ALOX5: variants seen among roughly 807,000 people sequenced by gnomAD.
The protein encoded by ALOX5 is polyunsaturated fatty acid 5-lipoxygenase.
A neutral mutation model predicts 87.9 loss-of-function variants in ALOX5; 64 were observed. The observed-to-expected ratio is 0.73, with a 90% confidence interval of 0.60 to 0.90. ALOX5 has a LOEUF of 0.90. ALOX5 is among the 40% of genes least tolerant of loss of function. ALOX5 has a pLI of 0.00. For synonymous variants in ALOX5, 388 were observed against 355.1 expected (o/e 1.09, Z -1.04); for missense variants, 822 against 907.5 (o/e 0.91, Z 1.21).
chr10:45,418,881 GAGAA>G (rs1454184790), intron 4 of ALOX5, among the ~76,000 whole-genome samples: 1 of 152,252 alleles, frequency 6.6e-6, no homozygotes, highest in Non-Finnish European at 1.5e-5. Context: ...AAAGGAAATT[GAGAA>G]AGAGAGTTTC....
Position 45,445,628 on chromosome 10 carries a change from A to C in ALOX5, c.1966A>C (p.Lys656Gln), listed in dbSNP as rs140481567. The C allele has an allele frequency of 1.3e-3, 2,020 of 1,614,056 alleles. 3 individuals carry two copies. The highest frequency in any genetic ancestry group is 4.9e-3 in the African/African-American group (369 of 75,024). The stretch of plus-strand genomic sequence containing the variant: ...CGTGATTGCTGAGCGCAACAAGAAG[A>C]AGCAGCTGCCATATTACTACTTGTC... ...VSVIAERNKK[K>Q]QLPYYYLSPD... The change falls in exon 14 of 14, where the codon AAG becomes CAG. Residue 656 changes from lysine (K) to glutamine (Q), a missense_variant. By Grantham distance (53) the Lys-to-Gln change is moderately conservative. Coordinates refer to ENST00000374391, the MANE Select transcript of ALOX5 (RefSeq NM_000698.5).
At chr10:45,443,688 T>C (rs7900977) in intron 11 of ALOX5, 40 bp from the exon 12 acceptor site, 1,210,891 of 1,596,306 alleles carry the variant, frequency 0.76, 461,490 homozygotes, top group African/African-American at 0.9. Context: ...CCTGGGGTCC[T>C]CAGGGACTGG....
Position 45,374,444 on chromosome 10 carries a change from G to C in ALOX5, c.150+15G>C, listed in dbSNP as rs1220544546. 13 of 1,537,322 alleles carry C rather than the reference G, an allele frequency of 8.5e-6. No homozygotes were observed. The highest frequency in any genetic ancestry group is 1.1e-5 in the Non-Finnish European group (13 of 1,146,540). ...AGCGTGGCGCGGTGAGCGCGGGCGG[G>C]GCACGGGTGGAGCGCGGGCTGAGGT... On this transcript the variant is annotated intron_variant, in intron 1 of 13. Transcript: ENST00000374391.
chr10:45,396,323 G>A (rs760207553), intron 3 of ALOX5, among the ~76,000 whole-genome samples: 1 of 149,470 alleles, frequency 6.7e-6, no homozygotes, highest in Non-Finnish European at 1.5e-5. Flanking sequence ...CTGACCAGAG[G>A]ATTCAAACCA....
intron 1 of ALOX5, among the ~76,000 whole-genome samples, chr10:45,379,037 T>G (rs1017081317): frequency 2.0e-5 from 3 of 152,088 alleles, no homozygotes; most frequent in African/African-American, 7.2e-5. Flanking sequence ...ACCACAGGTG[T>G]GCTGGAGGGT....
chr10:45,418,277 G>A (rs1841367556), intron 4 of ALOX5, among the ~76,000 whole-genome samples: 1 of 152,132 alleles, frequency 6.6e-6, no homozygotes, highest in South Asian at 2.1e-4. Flanking sequence ...CTGGGAGAGG[G>A]CCCTGGGCCG....
Position 45,412,206 on chromosome 10 carries a change from C to G in ALOX5, c.447C>G (p.Asn149Lys). 1 of 1,614,210 alleles carries G rather than the reference C, an allele frequency of 6.2e-7. No homozygotes were observed. ...TCATGCTCAGATGGATGGAGTGGAA[C>G]CCTGGCTTCCCCTTGAGCATCGATG... ...RQKQYRWMEW[N>K]PGFPLSIDAK... The change falls in exon 4 of 14, where the codon AAC (asparagine) becomes AAG (lysine). Residue 149 changes from asparagine (N) to lysine (K), a missense_variant. Physicochemically the swap from Asn to Lys is moderately conservative, Grantham distance 94. Transcript: ENST00000374391.
At chr10:45,419,057 G>A (rs1289586609) in intron 4 of ALOX5, among the ~76,000 whole-genome samples, 3 of 152,230 alleles carry the variant, frequency 2.0e-5, no homozygotes, top group Admixed American at 1.3e-4. Context: ...CAGGACCACA[G>A]GGGCGCTTTC....
At chr10:45,423,477 G>A (rs1038184984) in intron 4 of ALOX5, among the ~76,000 whole-genome samples, 5 of 152,092 alleles carry the variant, frequency 3.3e-5, no homozygotes, top group Admixed American at 3.3e-4. Flanking sequence ...GAAGCCCTGG[G>A]GATTGCTCAT....
intron 3 of ALOX5, among the ~76,000 whole-genome samples, chr10:45,406,480 T>G (rs1840889573): frequency 6.6e-6 from 1 of 152,246 alleles, no homozygotes; most frequent in Non-Finnish European, 1.5e-5. Flanking sequence ...GTTGGCATTT[T>G]ACTGAGATTC....
At chr10:45,428,288 C>A in intron 6 of ALOX5, 1 of 374,586 alleles carries the variant, frequency 2.7e-6, no homozygotes, top group South Asian at 5.2e-5. Context: ...TTTAACTCGT[C>A]ACATCTATTT....
At chr10:45,391,612 G>T (rs185092343) in intron 2 of ALOX5, among the ~76,000 whole-genome samples, 1 of 151,780 alleles carries the variant, frequency 6.6e-6, no homozygotes, top group Non-Finnish European at 1.5e-5. Context: ...AGTGAGGAGC[G>T]TCTCTGCCCG....
At chr10:45,389,239 G>A (rs1404917206) in intron 2 of ALOX5, among the ~76,000 whole-genome samples, 1 of 152,146 alleles carries the variant, frequency 6.6e-6, no homozygotes, top group Admixed American at 6.5e-5. Flanking sequence ...AAAGTGATGG[G>A]GAGAATGGAA....
Position 45,444,178 on chromosome 10 carries a change from C to T in ALOX5, c.1737C>T (p.Ala579=), listed in dbSNP as rs1011779284. 6.4e-7 allele frequency: 1 copy of T among 1,557,196 alleles called. No individual in the cohort carries two copies. The highest frequency in any genetic ancestry group is 1.2e-5 in the South Asian group (1 of 84,456). The change falls in exon 13 of 14, where the codon GCC becomes GCT. Residue 579 remains alanine, a synonymous_variant. Coordinates refer to ENST00000374391, the MANE Select transcript of ALOX5 (RefSeq NM_000698.5). ...CCATGCGAGCCCCGCCACCGACTGC[C>T]AAGGGCGTGGTGACCATTGAGCAGA... The part of the protein sequence containing the change: ...PPTMRAPPPT[A]KGVVTIEQIV...
chr10:45,424,288 GCACCCCCTA>G, intron 5 of ALOX5, 141 bp downstream of exon 5: 3 of 713,674 alleles, frequency 4.2e-6, no homozygotes, highest in Non-Finnish European at 7.5e-6. Context: ...ACCCTGGACA[GCACCCCCTA>G]CACTCCACAC....
At chr10:45,411,813 G>T (rs970416990) in intron 3 of ALOX5, among the ~76,000 whole-genome samples, 6 of 152,216 alleles carry the variant, frequency 3.9e-5, no homozygotes, top group African/African-American at 4.8e-5. Flanking sequence ...GGTTGGGCGT[G>T]GCTGGGCAGC....
intron 3 of ALOX5, among the ~76,000 whole-genome samples, chr10:45,398,597 T>G (rs1840594033): frequency 6.6e-6 from 1 of 152,182 alleles, no homozygotes; most frequent in Non-Finnish European, 1.5e-5. Context: ...TATTTACAAA[T>G]TGTATATCTG....
chr10:45,444,375 G>T (rs1013550389), intron 13 of ALOX5, 89 bp downstream of exon 13: 11 of 1,438,644 alleles, frequency 7.6e-6, no homozygotes, highest in African/African-American at 4.3e-5. Flanking sequence ...GGGCCCCAAG[G>T]CTCACTTGGA....
At chr10:45,431,784 G>C (rs1446736419) in intron 7 of ALOX5, among the ~76,000 whole-genome samples, 1 of 152,044 alleles carries the variant, frequency 6.6e-6, no homozygotes, top group Non-Finnish European at 1.5e-5. Context: ...ATGTTGGCCA[G>C]GCTGGTCTCG....
Sources: gnomAD v4.1 joint callset for allele counts (sites outside exome capture counted in the v4.1 genomes callset) on GRCh38, gnomAD v4.1.1 for gene constraint, MANE v1.5 for transcripts, NCBI Gene and HGNC (gene_info 2026-07-23, HGNC 2026-07-21) for gene names.